Variants in HAPSTR1 observed in about 807,000 individuals in gnomAD.
HAPSTR1 encodes HUWE1 associated protein modifying stress responses, also known as HUWE1-associated protein modifying stress responses 1.
At chr16:9,117,346 T>A in the HAPSTR1 span, 1 of 180,488 alleles carries the variant, frequency 5.5e-6, no homozygotes, top group Admixed American at 5.5e-5. Flanking sequence ...TCTAAAAACA[T>A]GATTTGGCTT....
At chr16:9,093,120 G>GC in the HAPSTR1 span, 2 of 1,005,944 alleles carry the variant, frequency 2.0e-6, no homozygotes, top group Admixed American at 4.9e-5. Context: ...TGAATACCTT[G>GC]CAACTTGAGA....
the HAPSTR1 span, chr16:9,092,390 G>C: frequency 4.3e-6 from 4 of 936,218 alleles, no homozygotes; most frequent in African/African-American, 3.5e-5. Flanking sequence ...GGGGATCCCG[G>C]CCGGTGGCTC....
chr16:9,110,866 C>T, the HAPSTR1 span: 7 of 152,366 alleles, frequency 4.6e-5, no homozygotes, highest in Non-Finnish European at 7.3e-5. Context: ...GGAGAAACCC[C>T]GTCTCTACTA....
At chr16:9,111,998 C>T in the HAPSTR1 span, 1 of 152,090 alleles carries the variant, frequency 6.6e-6, no homozygotes, top group South Asian at 2.1e-4. Context: ...ACATTTGGGG[C>T]TGTCAGCATA....
chr16:9,114,088 A>G, the HAPSTR1 span, among the ~76,000 whole-genome samples: 3 of 152,246 alleles, frequency 2.0e-5, no homozygotes, highest in South Asian at 4.1e-4. Flanking sequence ...ACCATGCTGT[A>G]GAAAGATAGC....
the HAPSTR1 span, among the ~76,000 whole-genome samples, chr16:9,093,481 A>G: frequency 2.0e-5 from 3 of 152,194 alleles, no homozygotes; most frequent in Non-Finnish European, 4.4e-5. Flanking sequence ...CTTTATGGAA[A>G]AGATTCTTGA....
chr16:9,116,104 T>C, the HAPSTR1 span, among the ~76,000 whole-genome samples: 50 of 152,310 alleles, frequency 3.3e-4, no homozygotes, highest in African/African-American at 1.2e-3. Flanking sequence ...GTACCTCATG[T>C]CCCAGTAGAA....
At chr16:9,120,688 T>TTTC in the HAPSTR1 span, 3 of 145,536 alleles carry the variant, frequency 2.1e-5, no homozygotes, top group African/African-American at 7.8e-5. Context: ...TTTTTTTTTT[T>TTTC]TTTTTTTGTG....
chr16:9,107,479 C>T, the HAPSTR1 span: 17 of 152,268 alleles, frequency 1.1e-4, no homozygotes, highest in African/African-American at 3.4e-4. Flanking sequence ...AATGTTTCAG[C>T]TCTCACTTTC....
At chr16:9,106,633 A>G in the HAPSTR1 span, 2 of 152,164 alleles carry the variant, frequency 1.3e-5, no homozygotes, top group African/African-American at 2.4e-5. Context: ...AGCAAGGCTT[A>G]AAGACTAATT....
At chr16:9,096,293 G>A in the HAPSTR1 span, among the ~76,000 whole-genome samples, 1 of 152,082 alleles carries the variant, frequency 6.6e-6, no homozygotes, top group African/African-American at 2.4e-5. Context: ...TCTCAATGTG[G>A]GCAGTGCTTA....
At chr16:9,092,006 C>CGGCGGCGGT in the HAPSTR1 span, 2 of 1,463,436 alleles carry the variant, frequency 1.4e-6, no homozygotes, top group Admixed American at 2.3e-5. Context: ...GAGGAGGACG[C>CGGCGGCGGT]GGCGGCGGTG....
chr16:9,112,993 A>T, the HAPSTR1 span: 1 of 146,150 alleles, frequency 6.8e-6, no homozygotes. Flanking sequence ...TGCCCTCAGG[A>T]CGTACAACTT....
chr16:9,104,942 C>T, the HAPSTR1 span: 7 of 152,142 alleles, frequency 4.6e-5, no homozygotes, highest in Admixed American at 4.6e-4. Flanking sequence ...TTCCATGCTT[C>T]TCTTAAGGTA....
At chr16:9,097,825 G>A in the HAPSTR1 span, among the ~76,000 whole-genome samples, 1 of 152,202 alleles carries the variant, frequency 6.6e-6, no homozygotes, top group African/African-American at 2.4e-5. Flanking sequence ...GTCATCTCTT[G>A]GCCATAACGG....
chr16:9,105,055 A>T, the HAPSTR1 span: 1 of 152,222 alleles, frequency 6.6e-6, no homozygotes, highest in African/African-American at 2.4e-5. Context: ...TAATAGTAAA[A>T]AGGGCAAGCC....
chr16:9,093,285 C>T, the HAPSTR1 span, among the ~76,000 whole-genome samples: 2 of 152,176 alleles, frequency 1.3e-5, no homozygotes, highest in African/African-American at 2.4e-5. Context: ...GCTGAAGGTC[C>T]TGCAGTGCCC....
the HAPSTR1 span, among the ~76,000 whole-genome samples, chr16:9,097,307 G>A: frequency 6.7e-6 from 1 of 148,704 alleles, no homozygotes; most frequent in African/African-American, 2.5e-5. Flanking sequence ...CAGTGGTGCT[G>A]TCTCAGCTCA....
At chr16:9,109,957 C>G in the HAPSTR1 span, 1 of 151,894 alleles carries the variant, frequency 6.6e-6, no homozygotes, top group Non-Finnish European at 1.5e-5. Context: ...ATTTACTGAA[C>G]ACAGTGAATA....
Sources: gnomAD v4.1 joint callset for allele counts (sites outside exome capture counted in the v4.1 genomes callset) on GRCh38, gnomAD v4.1.1 for gene constraint, MANE v1.5 for transcripts, NCBI Gene and HGNC (gene_info 2026-07-23, HGNC 2026-07-21) for gene names.